ANO4: variants seen among roughly 807,000 people sequenced by gnomAD.
The protein encoded by ANO4 is anoctamin-4.
Under a neutral mutation model 141.9 loss-of-function variants are expected in ANO4, and 69 were observed. The ratio of observed to expected loss-of-function variants is 0.49; its 90% CI spans 0.40 to 0.59. ANO4 has a LOEUF of 0.59. Ranked by LOEUF, ANO4 falls within the 20% of genes least tolerant of loss-of-function variation. ANO4 has a pLI of 0.00. For synonymous variants in ANO4, 350 were observed against 394.3 expected (o/e 0.89, Z 1.33); for missense variants, 894 against 1,162.2 (o/e 0.77, Z 3.36).
chr12:100,777,305 G>A lies in ANO4; in HGVS notation c.358+37200G>A, dbSNP rs185935596. Among the ~76,000 whole-genome samples the A allele has an allele frequency of 7.9e-3, 917 of 115,922 alleles. 25 individuals carry two copies. The highest frequency in any genetic ancestry group is 0.067 in the Admixed American group (677 of 10,158). 76.0% of individuals were successfully genotyped at this position (115,922 alleles called of 152,430 possible). Reference sequence around the variant, plus strand: ...TTTTTTTTTTTTTTTTTTTAGTAGAGATGGGGTTTTGCCATGTGGGCCGGG... The same window carrying A: ...TTTTTTTTTTTTTTTTTTTAGTAGAAATGGGGTTTTGCCATGTGGGCCGGG... On this transcript the variant is annotated intron_variant, in intron 3 of 29. Transcript: ENST00000644049.
intron 2 of ANO4, among the ~76,000 whole-genome samples, chr12:100,912,944 T>C (rs2041179988): frequency 1.3e-5 from 2 of 152,322 alleles, no homozygotes; most frequent in African/African-American, 2.4e-5. Flanking sequence ...AATCTCTTCC[T>C]CTTTAAGTGG....
At chr12:100,942,977 G>T (rs1451124632) in intron 5 of ANO4, among the ~76,000 whole-genome samples, 1 of 152,174 alleles carries the variant, frequency 6.6e-6, no homozygotes, top group African/African-American at 2.4e-5. Context: ...GGCCAATTTG[G>T]CCAAAAGCAG....
At chr12:100,734,816 T>C (rs531843659) in intron 2 of ANO4, among the ~76,000 whole-genome samples, 1 of 152,370 alleles carries the variant, frequency 6.6e-6, no homozygotes, top group Non-Finnish European at 1.5e-5. Flanking sequence ...TGAGGTTACT[T>C]AAGTATGTTC....
At chr12:100,808,195 G>A (rs777883190) in intron 1 of ANO4, among the ~76,000 whole-genome samples, 9 of 152,092 alleles carry the variant, frequency 5.9e-5, no homozygotes, top group Non-Finnish European at 8.8e-5. Context: ...GTGTATAAGC[G>A]TTCCTTTTTC....
chr12:101,119,441 G>A lies in ANO4; in HGVS notation c.2571-1079G>A, dbSNP rs1384417011. On this transcript the variant is annotated intron_variant, in intron 25 of 27. Coordinates refer to ENST00000392977, the MANE Select transcript of ANO4 (RefSeq NM_001286615.2). ...TGCACTCCAGCCTGGGTGACAGAGC[G>A]AGATTCTGTCTCAACATAAAAGAAA... is the stretch of plus-strand genomic sequence containing the variant. 8.5e-5 allele frequency among the ~76,000 whole-genome samples: 13 copies of A among 152,104 alleles called. 1 individual carries two copies. The South Asian group carries it at 1.9e-3, about 22-fold the overall frequency.
chr12:100,745,397 C>G (rs534614546), intron 3 of ANO4, among the ~76,000 whole-genome samples: 1 of 152,270 alleles, frequency 6.6e-6, no homozygotes, highest in South Asian at 2.1e-4. Flanking sequence ...TCTTATTGTA[C>G]TCCAATACAG....
rs541621764 is a variant in ANO4, at chr12:100,828,914, G to A, written c.-141+33887G>A. Among the ~76,000 whole-genome samples, 3 of 152,072 alleles carry A rather than the reference G, an allele frequency of 2.0e-5. No individual in the cohort carries two copies. In the East Asian group the frequency reaches 5.8e-4, roughly 30 times the overall value. On this transcript the variant is annotated intron_variant, in intron 1 of 27. Transcript: ENST00000392977. ...ATGTGCCTGTAATTCCAGCTACTTGGGAAGCTGAGGCATGAGAATCACTTA... is the reference window on the plus strand; with the variant it reads ...ATGTGCCTGTAATTCCAGCTACTTGAGAAGCTGAGGCATGAGAATCACTTA...
intron 3 of ANO4, among the ~76,000 whole-genome samples, chr12:100,788,787 A>T (rs2033951201): frequency 6.6e-6 from 1 of 152,120 alleles, no homozygotes; most frequent in Non-Finnish European, 1.5e-5. Flanking sequence ...GCCTGAGTGG[A>T]GCGTACATGA....
intron 5 of ANO4, among the ~76,000 whole-genome samples, chr12:100,960,582 T>A (rs35922050): frequency 0.17 from 25,249 of 150,714 alleles, 2,408 homozygotes; most frequent in East Asian, 0.42. Context: ...TGCACATGTA[T>A]CCTGGAACTT....
At chr12:100,940,589 T>C (rs2042468950) in intron 4 of ANO4, among the ~76,000 whole-genome samples, 1 of 152,238 alleles carries the variant, frequency 6.6e-6, no homozygotes, top group South Asian at 2.1e-4. Context: ...GGATTGGTCA[T>C]CAATTGAAAA....
At chr12:100,992,046 C>G (rs1008394145) in intron 8 of ANO4, among the ~76,000 whole-genome samples, 2 of 152,174 alleles carry the variant, frequency 1.3e-5, no homozygotes, top group African/African-American at 4.8e-5. Flanking sequence ...TACATCTCCA[C>G]GGATTGATGA....
At chr12:100,964,657 T>C (rs2043572596) in intron 5 of ANO4, among the ~76,000 whole-genome samples, 3 of 152,186 alleles carry the variant, frequency 2.0e-5, no homozygotes, top group Admixed American at 2.0e-4. Context: ...TCACGCTCAG[T>C]AAATTGAAAC....
chr12:101,066,770 G>A, intron 14 of ANO4: 1 of 997,760 alleles, frequency 1.0e-6, no homozygotes, highest in Non-Finnish European at 1.6e-6. Context: ...GCAGCAGGAG[G>A]AGGACCACAG....
intron 5 of ANO4, among the ~76,000 whole-genome samples, chr12:100,960,884 T>G (rs1044972392): frequency 5.9e-5 from 9 of 152,082 alleles, no homozygotes; most frequent in Admixed American, 2.0e-4. Context: ...TCTAGAAGAG[T>G]AGGGAAAACA....
chr12:100,796,826 C>G (rs1397115611), intron 1 of ANO4, among the ~76,000 whole-genome samples: 1 of 151,912 alleles, frequency 6.6e-6, no homozygotes, highest in Non-Finnish European at 1.5e-5. Context: ...TGTGTTCTTA[C>G]TTTGCTTAAT....
intron 1 of ANO4, among the ~76,000 whole-genome samples, chr12:100,878,568 G>C (rs2039423762): frequency 6.6e-6 from 1 of 152,120 alleles, no homozygotes; most frequent in African/African-American, 2.4e-5. Flanking sequence ...GTGAAGGCAG[G>C]ACCCTTAACT....
At chr12:101,013,455 T>G (rs1593013034) in intron 8 of ANO4, among the ~76,000 whole-genome samples, 1 of 152,148 alleles carries the variant, frequency 6.6e-6, no homozygotes, top group Non-Finnish European at 1.5e-5. Context: ...TCTGGCAACC[T>G]ACACATAGTC....
rs917144282 is a variant in ANO4, at chr12:100,723,051, C to T, written c.22+5504C>T. On this transcript the variant is annotated intron_variant, in intron 1 of 29. Transcript: ENST00000644049. ...CAAGCAAGACACTCATGGTCAACAT[C>T]GATTAGGATCCTTTTGATTAAGAAG... is the stretch of plus-strand genomic sequence containing the variant. Among the ~76,000 whole-genome samples, 8 of 151,856 alleles carry T rather than the reference C, an allele frequency of 5.3e-5. No homozygotes were observed. The East Asian group carries it at 7.7e-4, about 15-fold the overall frequency.
chr12:101,122,055 C>A (rs1264435301), intron 26 of ANO4, among the ~76,000 whole-genome samples: 12 of 152,134 alleles, frequency 7.9e-5, no homozygotes, highest in Admixed American at 7.2e-4. Flanking sequence ...CTGCACTTGG[C>A]CTGACTTTCT....
Sources: gnomAD v4.1 joint callset for allele counts (sites outside exome capture counted in the v4.1 genomes callset) on GRCh38, gnomAD v4.1.1 for gene constraint, MANE v1.5 for transcripts, NCBI Gene and HGNC (gene_info 2026-07-23, HGNC 2026-07-21) for gene names.